NAALADL2: variants seen among roughly 807,000 people sequenced by gnomAD.
NAALADL2 encodes inactive N-acetylated-alpha-linked acidic dipeptidase-like protein 2.
A neutral mutation model predicts 87.2 loss-of-function variants in NAALADL2; 76 were observed. That is an observed-to-expected ratio of 0.87 (90% CI 0.72 to 1.05). The LOEUF is 1.05. Among genes scored for constraint, NAALADL2 ranks in the 50% least tolerant of loss-of-function variants. The probability of loss-of-function intolerance (pLI) is 0.00; values close to 1 mark genes in which losing one functional copy is unlikely to be tolerated. For missense variants in NAALADL2, 1,089 were observed against 945.8 expected (o/e 1.15, Z -1.99); for synonymous variants, 354 against 331.0 (o/e 1.07, Z -0.75).
rs540575894 is a variant in NAALADL2, at chr3:175,436,523, A to G, written c.1091-10706A>G. On this transcript the variant is annotated intron_variant, in intron 5 of 13. Coordinates refer to ENST00000454872, the MANE Select transcript of NAALADL2 (RefSeq NM_207015.3). ...CCTCTCCAGCACCTGTTGTTTCCTGACTTTTTAATGATTGCCATTCTAACT... is the reference window on the plus strand; with the variant it reads ...CCTCTCCAGCACCTGTTGTTTCCTGGCTTTTTAATGATTGCCATTCTAACT... Among the ~76,000 whole-genome samples, 1,228 of 145,232 alleles carry G rather than the reference A, an allele frequency of 8.5e-3. 79 individuals are homozygous for G. The highest frequency in any genetic ancestry group is 0.031 in the African/African-American group (1,164 of 37,748).
intron 3 of NAALADL2, among the ~76,000 whole-genome samples, chr3:174,836,855 T>C (rs941064322): frequency 6.6e-6 from 1 of 152,036 alleles, no homozygotes; most frequent in African/African-American, 2.4e-5. Flanking sequence ...AAAATTTAGC[T>C]TGGGTAAAGT....
intron 1 of NAALADL2, among the ~76,000 whole-genome samples, chr3:174,867,669 T>C (rs1001996661): frequency 6.6e-6 from 1 of 152,008 alleles, no homozygotes; most frequent in Non-Finnish European, 1.5e-5. Flanking sequence ...TATTCTAACA[T>C]GAAAATTAGT....
intron 3 of NAALADL2, among the ~76,000 whole-genome samples, chr3:174,836,794 G>C (rs1723388711): frequency 6.6e-6 from 1 of 151,164 alleles, no homozygotes; most frequent in African/African-American, 2.4e-5. Context: ...TTATTTAAAG[G>C]GCAAAATAAA....
chr3:174,476,817 A>C (rs1052796971), intron 1 of NAALADL2, among the ~76,000 whole-genome samples: 2 of 152,078 alleles, frequency 1.3e-5, no homozygotes, highest in African/African-American at 2.4e-5. Context: ...CATTGGCTTA[A>C]GTGATTTCAG....
chr3:175,176,802 T>C (rs1735763193), intron 2 of NAALADL2, among the ~76,000 whole-genome samples: 1 of 152,004 alleles, frequency 6.6e-6, no homozygotes, highest in African/African-American at 2.4e-5. Flanking sequence ...AGGAAATGAA[T>C]TTTCCTGCAG....
intron 6 of NAALADL2, among the ~76,000 whole-genome samples, chr3:175,449,394 C>CTTTTTTTTTT (rs1185888984): frequency 2.1e-5 from 1 of 48,536 alleles, no homozygotes; most frequent in Non-Finnish European, 4.7e-5. Context: ...TAATTTTCTT[C>CTTTTTTTTTT]TTTTTTTTTT....
chr3:175,458,257 G>A (rs1722615507), intron 6 of NAALADL2, among the ~76,000 whole-genome samples: 1 of 151,852 alleles, frequency 6.6e-6, no homozygotes, highest in South Asian at 2.1e-4. Flanking sequence ...ATACTACTCA[G>A]TGAGCAAAAC....
At chr3:174,866,867 G>C (rs900300442) in intron 1 of NAALADL2, among the ~76,000 whole-genome samples, 1 of 151,640 alleles carries the variant, frequency 6.6e-6, no homozygotes, top group Non-Finnish European at 1.5e-5. Flanking sequence ...TTTCTGATCA[G>C]TTTTAGCATC....
rs756214274 is a variant in NAALADL2 at position 175,639,318 on chromosome 3, C to CTTTTTTTTTTTTT, written c.1896+11940_1896+11952dup. 6.7e-4 allele frequency among the ~76,000 whole-genome samples: 73 copies of CTTTTTTTTTTTTT among 108,712 alleles called. 6 individuals carry two copies. The highest frequency in any genetic ancestry group is 1.9e-3 in the African/African-American group (47 of 24,168). The allele number at this position is 108,712 out of a possible 152,430, so 71.3% of individuals were successfully genotyped here. ...GCAGTTTTTTTTCAAAAGCGTTATT[C>CTTTTTTTTTTTTT]TTTTTTTTTTTTTTTTTTTTGAGAC... On this transcript the variant is annotated intron_variant, in intron 11 of 13. Coordinates refer to ENST00000454872, the MANE Select transcript of NAALADL2 (RefSeq NM_207015.3).
At chr3:175,083,624 T>C (rs1041385943) in intron 1 of NAALADL2, among the ~76,000 whole-genome samples, 1 of 152,184 alleles carries the variant, frequency 6.6e-6, no homozygotes, top group Non-Finnish European at 1.5e-5. Context: ...TTTATAATTA[T>C]TTTATAATTA....
chr3:175,788,897 G>T (rs191597830), intron 13 of NAALADL2, among the ~76,000 whole-genome samples: 110 of 152,226 alleles, frequency 7.2e-4, no homozygotes, highest in African/African-American at 2.5e-3. Context: ...GCATATCATG[G>T]TATTTTTACA....
intron 2 of NAALADL2, among the ~76,000 whole-genome samples, chr3:175,211,612 T>C (rs1741777430): frequency 6.6e-6 from 1 of 151,974 alleles, no homozygotes; most frequent in Admixed American, 6.6e-5. Context: ...TTATATAGTG[T>C]CATCTATTCC....
intron 11 of NAALADL2, among the ~76,000 whole-genome samples, chr3:175,700,642 G>T (rs1738862572): frequency 6.6e-6 from 1 of 151,998 alleles, no homozygotes; most frequent in Non-Finnish European, 1.5e-5. Flanking sequence ...AAGAAAGTAT[G>T]GGATCATTGG....
intron 2 of NAALADL2, among the ~76,000 whole-genome samples, chr3:174,641,970 G>A (rs939175817): frequency 6.6e-6 from 1 of 151,990 alleles, no homozygotes; most frequent in Admixed American, 6.6e-5. Context: ...TGTTGGCCAG[G>A]CTGGTCTCAA....
intron 4 of NAALADL2, among the ~76,000 whole-genome samples, chr3:175,290,798 T>A (rs1044022718): frequency 1.3e-5 from 2 of 152,102 alleles, no homozygotes; most frequent in South Asian, 4.1e-4. Flanking sequence ...GGAGACAATG[T>A]TATATCATGA....
At chr3:174,848,817 A>G (rs1192895206) in intron 3 of NAALADL2, among the ~76,000 whole-genome samples, 1 of 152,192 alleles carries the variant, frequency 6.6e-6, no homozygotes, top group Non-Finnish European at 1.5e-5. Flanking sequence ...TAGAGCAAAC[A>G]TTATAGAGTA....
At chr3:175,344,030 GA>G (rs1298761896) in intron 5 of NAALADL2, among the ~76,000 whole-genome samples, 1 of 151,932 alleles carries the variant, frequency 6.6e-6, no homozygotes, top group Non-Finnish European at 1.5e-5. Context: ...ACCCAGTTCT[GA>G]AAAAATACTG....
chr3:174,634,734 C>A (rs1722463587), intron 2 of NAALADL2, among the ~76,000 whole-genome samples: 1 of 152,022 alleles, frequency 6.6e-6, no homozygotes, highest in Non-Finnish European at 1.5e-5. Flanking sequence ...TTTTTAATTT[C>A]TTTATTTTGG....
intron 1 of NAALADL2, among the ~76,000 whole-genome samples, chr3:174,890,816 TATAAG>T (rs1448253926): frequency 2.6e-5 from 4 of 152,268 alleles, no homozygotes; most frequent in South Asian, 4.1e-4. Flanking sequence ...ACTAAATAAA[TATAAG>T]ATAGGAAAAT....
Sources: gnomAD v4.1 joint callset for allele counts (sites outside exome capture counted in the v4.1 genomes callset) on GRCh38, gnomAD v4.1.1 for gene constraint, MANE v1.5 for transcripts, NCBI Gene and HGNC (gene_info 2026-07-23, HGNC 2026-07-21) for gene names.